PBRM1: variants seen among roughly 807,000 people sequenced by gnomAD.
PBRM1 encodes the protein protein polybromo-1.
A neutral mutation model predicts 194.5 loss-of-function variants in PBRM1; 27 were observed. The observed-to-expected ratio is 0.14, with a 90% CI of 0.10 to 0.19. The LOEUF (loss-of-function observed/expected upper bound fraction) is 0.19. PBRM1 is among the 10% of genes least tolerant of loss of function. The probability of loss-of-function intolerance (pLI) is 1.00; values close to 1 mark genes in which losing one functional copy is unlikely to be tolerated. For synonymous variants in PBRM1, 655 were observed against 693.2 expected, an observed-to-expected ratio of 0.94 and a Z score of 0.87; for missense variants, 1,466 against 2,077.2, an observed-to-expected ratio of 0.71 and a Z score of 5.72.
intron 10 of PBRM1, among the ~76,000 whole-genome samples, chr3:52,638,524 A>G (rs1158321094): frequency 6.6e-6 from 1 of 151,724 alleles, no homozygotes; most frequent in Non-Finnish European, 1.5e-5. Flanking sequence ...ATGCCTGGCT[A>G]ATTTTTCTAT....
upstream of PBRM1, among the ~76,000 whole-genome samples, chr3:52,684,338 TA>T (rs780473160): frequency 1.1e-4 from 17 of 152,284 alleles, no homozygotes; most frequent in East Asian, 3.8e-4. Flanking sequence ...AGTGGACAGT[TA>T]AGAATACTTA....
chr3:52,554,934 A>C (rs991503131), intron 26 of PBRM1, 55 bp from the exon 29 acceptor site: 1 of 1,507,648 alleles, frequency 6.6e-7, no homozygotes, highest in African/African-American at 1.4e-5. Flanking sequence ...ACATGAGCTA[A>C]GTAATAACAA....
At chr3:52,548,447 C>T (rs2080018831) in intron 29 of PBRM1, among the ~76,000 whole-genome samples, 2 of 148,122 alleles carry the variant, frequency 1.4e-5, no homozygotes, top group Admixed American at 1.3e-4. Flanking sequence ...TTTTTTTTGA[C>T]ATCGAGTCTC....
intron 16 of PBRM1, among the ~76,000 whole-genome samples, chr3:52,604,548 C>G (rs143995457): frequency 6.6e-6 from 1 of 152,022 alleles, no homozygotes; most frequent in East Asian, 1.9e-4. Flanking sequence ...AAAAAAGTAG[C>G]CTGGCATTGG....
intron 9 of PBRM1, 30 bp downstream of exon 10, chr3:52,643,218 A>T (rs377674853): frequency 6.9e-7 from 1 of 1,448,758 alleles, no homozygotes; most frequent in Non-Finnish European, 9.7e-7. Context: ...AGCACAGGTC[A>T]ACTCTCAGAC....
At chr3:52,567,565 C>CAAAAAAAAAAAAAAAAAAA (rs10644120) in intron 22 of PBRM1, among the ~76,000 whole-genome samples, 1 of 91,706 alleles carries the variant, frequency 1.1e-5, no homozygotes, top group African/African-American at 4.4e-5. Flanking sequence ...TAGGTAATCT[C>CAAAAAAAAAAAAAAAAAAA]AAAAAAAAAA....
intron 13 of PBRM1, among the ~76,000 whole-genome samples, chr3:52,622,208 G>A (rs753254968): frequency 2.0e-5 from 3 of 151,808 alleles, no homozygotes; most frequent in African/African-American, 4.8e-5. Flanking sequence ...GTGTGGTGGC[G>A]TGCACCTGTA....
intron 5 of PBRM1, among the ~76,000 whole-genome samples, chr3:52,653,014 T>G (rs956253987): frequency 6.6e-6 from 1 of 152,024 alleles, no homozygotes; most frequent in Admixed American, 6.6e-5. Flanking sequence ...CAAACAAAAA[T>G]TCTAAATTCA....
chr3:52,618,591 G>GTTTT (rs67103558), intron 13 of PBRM1, among the ~76,000 whole-genome samples: 1 of 123,488 alleles, frequency 8.1e-6, no homozygotes, highest in Non-Finnish European at 1.7e-5. Context: ...TTATGACTTA[G>GTTTT]TTTTTTTTTT....
intron 6 of PBRM1, among the ~76,000 whole-genome samples, chr3:52,649,245 C>A (rs1405920940): frequency 2.0e-5 from 3 of 152,184 alleles, no homozygotes; most frequent in African/African-American, 7.2e-5. Flanking sequence ...TCAGCACAGG[C>A]ATCGGGAGGG....
At chr3:52,588,864 G>C (rs889996796) in intron 18 of PBRM1, among the ~76,000 whole-genome samples, 1 of 152,096 alleles carries the variant, frequency 6.6e-6, no homozygotes, top group Non-Finnish European at 1.5e-5. Flanking sequence ...CCTAGAAGCT[G>C]TATTTCTTTT....
chr3:52,670,295 C>T (rs1431066964), intron 2 of PBRM1, among the ~76,000 whole-genome samples: 1 of 152,282 alleles, frequency 6.6e-6, no homozygotes, highest in East Asian at 1.9e-4. Context: ...ACAGGGTCCC[C>T]CCATTTCAAA....
chr3:52,634,483 T>TAAAAAA (rs76361761), intron 11 of PBRM1, 119 bp downstream of exon 12: 1 of 660,222 alleles, frequency 1.5e-6, no homozygotes, highest in Non-Finnish European at 2.5e-6. Flanking sequence ...AATTTGAGGT[T>TAAAAAA]AAAAAAAAAC....
intron 1 of PBRM1, 41 bp downstream of exon 1, chr3:52,685,708 C>A (rs1479272612): frequency 6.5e-6 from 1 of 153,250 alleles, no homozygotes; most frequent in East Asian, 1.9e-4. Flanking sequence ...CGGCAGCTGA[C>A]CAAGGGGGAG....
chr3:52,635,315 C>T (rs1351894869), intron 10 of PBRM1, among the ~76,000 whole-genome samples: 1 of 152,058 alleles, frequency 6.6e-6, no homozygotes, highest in East Asian at 1.9e-4. Context: ...GCCTGTAATC[C>T]CAGCACTTTT....
chr3:52,592,209 C>A (rs77807788), intron 17 of PBRM1, among the ~76,000 whole-genome samples: 1 of 150,550 alleles, frequency 6.6e-6, no homozygotes, highest in Non-Finnish European at 1.5e-5. Flanking sequence ...TCTTGGCTCA[C>A]TGCAGTCTGC....
At chr3:52,582,300 G>T (rs559077250) in intron 20 of PBRM1, among the ~76,000 whole-genome samples, 1 of 148,794 alleles carries the variant, frequency 6.7e-6, no homozygotes, top group East Asian at 2.0e-4. Context: ...TTGAAATAAA[G>T]ATATGAGACC....
intron 7 of PBRM1, among the ~76,000 whole-genome samples, chr3:52,646,659 G>T (rs1219938031): frequency 1.3e-5 from 2 of 152,050 alleles, no homozygotes; most frequent in African/African-American, 4.8e-5. Flanking sequence ...AATGGGGAAA[G>T]AATAATCTTT....
At chr3:52,685,854 C>G (rs775193151), upstream of PBRM1, 67 of 505,844 alleles carry the variant, frequency 1.3e-4, no homozygotes, top group Non-Finnish European at 2.1e-4. Context: ...CGGCCGCTGC[C>G]GTCGCTTCGG....
Sources: gnomAD v4.1 joint callset for allele counts (sites outside exome capture counted in the v4.1 genomes callset) on GRCh38, gnomAD v4.1.1 for gene constraint, MANE v1.5 for transcripts, NCBI Gene and HGNC (gene_info 2026-07-23, HGNC 2026-07-21) for gene names.